Variants in DGCR2 observed in about 807,000 individuals in gnomAD.
DGCR2 encodes the protein integral membrane protein DGCR2/IDD.
DGCR2 carries 24 observed loss-of-function variants against 51.6 expected under a neutral mutation model. That is an observed-to-expected ratio of 0.47 (90% CI 0.34 to 0.65). The LOEUF (loss-of-function observed/expected upper bound fraction) is 0.65. Among genes scored for constraint, DGCR2 ranks in the 30% least tolerant of loss-of-function variants. The pLI is 0.01. For synonymous variants in DGCR2, 340 were observed against 315.4 expected (o/e 1.08, Z -0.82); for missense variants, 765 against 772.1 (o/e 0.99, Z 0.11).
intron 1 of DGCR2, among the ~76,000 whole-genome samples, chr22:19,116,839 G>C (rs1569093301): frequency 6.6e-6 from 1 of 151,964 alleles, no homozygotes; most frequent in Non-Finnish European, 1.5e-5. Context: ...TAGATCACCT[G>C]CCATCAGTGT....
chr22:19,103,926 G>A (rs931395942), intron 1 of DGCR2, among the ~76,000 whole-genome samples: 5 of 151,758 alleles, frequency 3.3e-5, no homozygotes, highest in Non-Finnish European at 7.4e-5. Context: ...TTATTATGAG[G>A]TGAGAGTACC....
Position 19,038,253 on chromosome 22 carries a change from C to T in DGCR2, c.*612G>A, listed in dbSNP as rs56375048. ...CTCTCCTTCTCAGGGCTTCAGGTTC[C>T]AGAGCCCCAGGGGAGCTCCCAGCCA... On this transcript the variant is annotated 3_prime_UTR_variant, in exon 10 of 10. Transcript: ENST00000263196. The T allele has an allele frequency of 0.047, 7,255 of 153,350 alleles. 202 individuals are homozygous for T. Among genetic ancestry groups the T allele is most frequent in the Middle Eastern group, 0.16 (47 of 294 alleles). 9.5% of individuals were successfully genotyped at this position (153,350 alleles called of 1,614,324 possible). A position where few individuals can be genotyped will look rare whatever the true frequency, so the allele number is the denominator to read the frequency against.
At chr22:19,060,747 C>T (rs749371740) in intron 5 of DGCR2, 3 of 382,428 alleles carry the variant, frequency 7.8e-6, no homozygotes, top group Admixed American at 3.2e-5. Context: ...CAGGGCACAT[C>T]ATGACCTGGT....
chr22:19,075,384 T>C (rs1431416507), intron 2 of DGCR2, among the ~76,000 whole-genome samples: 2 of 152,054 alleles, frequency 1.3e-5, no homozygotes, highest in Non-Finnish European at 2.9e-5. Context: ...GAGGCAGAGC[T>C]TGCAGTGAGC....
chr22:19,040,832 A>G (rs1034316484), intron 9 of DGCR2, among the ~76,000 whole-genome samples: 4 of 152,164 alleles, frequency 2.6e-5, no homozygotes, highest in Non-Finnish European at 5.9e-5. Flanking sequence ...GAGGGGTCCC[A>G]GGCCTTCTCA....
At chr22:19,047,976 G>A (rs902951476) in intron 7 of DGCR2, 2 of 193,244 alleles carry the variant, frequency 1.0e-5, no homozygotes, top group Admixed American at 5.3e-5. Context: ...TGGATCACTC[G>A]AGGCCAGGAG....
At chr22:19,121,244 T>A (rs952058876) in intron 1 of DGCR2, among the ~76,000 whole-genome samples, 2 of 152,218 alleles carry the variant, frequency 1.3e-5, no homozygotes, top group Non-Finnish European at 2.9e-5. Context: ...ATGACTGTAT[T>A]AATATACATA....
intron 1 of DGCR2, among the ~76,000 whole-genome samples, chr22:19,118,374 C>A (rs867760732): frequency 6.2e-4 from 35 of 56,764 alleles, no homozygotes; most frequent in South Asian, 1.4e-3. Flanking sequence ...CCATCGCAAA[C>A]AAAAAAAAAA....
chr22:19,085,198 G>A (rs1202793250), intron 2 of DGCR2, among the ~76,000 whole-genome samples: 1 of 152,044 alleles, frequency 6.6e-6, no homozygotes, highest in Admixed American at 6.6e-5. Flanking sequence ...GAAAATAGGT[G>A]CTTTCAAAAC....
At chr22:19,094,159 G>A (rs1339083892) in intron 1 of DGCR2, among the ~76,000 whole-genome samples, 2 of 152,264 alleles carry the variant, frequency 1.3e-5, no homozygotes, top group African/African-American at 2.4e-5. Flanking sequence ...GGGGCACGGC[G>A]GCCCATGCCT....
At chr22:19,039,271 C>T (rs2082405769) in intron 9 of DGCR2, 150 bp from the exon 10 acceptor site, 1 of 964,324 alleles carries the variant, frequency 1.0e-6, no homozygotes, top group Non-Finnish European at 1.5e-6. Context: ...TCCCCCGGGC[C>T]TCAGATTTTG....
At chr22:19,039,493 G>A (rs944508737) in intron 9 of DGCR2, among the ~76,000 whole-genome samples, 26 of 152,256 alleles carry the variant, frequency 1.7e-4, no homozygotes, top group African/African-American at 5.1e-4. Flanking sequence ...GTGAAGACCC[G>A]GCTCAGCAAG....
intron 2 of DGCR2, among the ~76,000 whole-genome samples, chr22:19,080,817 G>A (rs1200919614): frequency 6.6e-6 from 1 of 152,204 alleles, no homozygotes; most frequent in South Asian, 2.1e-4. Context: ...ATGGGCAACA[G>A]AGCAAGACTC....
chr22:19,109,365 AC>A (rs1202762623), intron 1 of DGCR2, among the ~76,000 whole-genome samples: 22 of 152,376 alleles, frequency 1.4e-4, no homozygotes, highest in Admixed American at 1.0e-3. Flanking sequence ...TCACAGAAGT[AC>A]TACTCACAAT....
intron 1 of DGCR2, among the ~76,000 whole-genome samples, chr22:19,089,963 C>T (rs961418511): frequency 4.6e-5 from 7 of 152,198 alleles, no homozygotes; most frequent in Non-Finnish European, 7.3e-5. Flanking sequence ...CTACAGCAGC[C>T]GAGCTGAGTA....
intron 6 of DGCR2, among the ~76,000 whole-genome samples, chr22:19,050,674 C>T (rs144914029): frequency 2.6e-5 from 4 of 152,266 alleles, no homozygotes; most frequent in African/African-American, 9.6e-5. Context: ...AAAAATATAA[C>T]ACACTTAGAT....
intron 2 of DGCR2, among the ~76,000 whole-genome samples, chr22:19,086,215 C>T (rs945072339): frequency 3.9e-4 from 59 of 152,188 alleles, no homozygotes; most frequent in African/African-American, 1.3e-3. Context: ...CAGTGACTCA[C>T]GCCTGTAATC....
intron 9 of DGCR2, 96 bp downstream of exon 9, chr22:19,040,962 G>T (rs1286208901): frequency 9.1e-7 from 1 of 1,100,966 alleles, no homozygotes; most frequent in Non-Finnish European, 1.3e-6. Context: ...AAGAAGTGAG[G>T]TCCCTAGGCC....
intron 2 of DGCR2, among the ~76,000 whole-genome samples, chr22:19,079,698 A>G (rs1028029901): frequency 6.6e-6 from 1 of 152,208 alleles, no homozygotes; most frequent in Non-Finnish European, 1.5e-5. Context: ...CATTTTATGG[A>G]TGCAATTTGC....
Sources: gnomAD v4.1 joint callset for allele counts (sites outside exome capture counted in the v4.1 genomes callset) on GRCh38, gnomAD v4.1.1 for gene constraint, MANE v1.5 for transcripts, NCBI Gene and HGNC (gene_info 2026-07-23, HGNC 2026-07-21) for gene names.